The following CYSTM1 variants were observed in gnomAD, a reference collection of about 807,000 sequenced individuals.
CYSTM1 encodes the protein cysteine rich transmembrane module containing 1.
CYSTM1 carries 4 observed loss-of-function variants against 13.1 expected under a neutral mutation model. The observed-to-expected ratio is 0.31, with a 90% CI of 0.15 to 0.70. CYSTM1 has a LOEUF of 0.70. CYSTM1 is among the 30% of genes least tolerant of loss of function. The pLI is 0.72. For missense variants in CYSTM1, 96 were observed against 121.6 expected, an observed-to-expected ratio of 0.79 and a Z score of 0.99; for synonymous variants, 36 against 42.7, an observed-to-expected ratio of 0.84 and a Z score of 0.62.
intron 2 of CYSTM1, among the ~76,000 whole-genome samples, chr5:140,199,932 G>A (rs1174432581): frequency 6.6e-6 from 1 of 152,192 alleles, no homozygotes; most frequent in African/African-American, 2.4e-5. Context: ...TTTGAGAAGT[G>A]TCTGTTCATA....
At chr5:140,220,874 A>C (rs1271492961) in intron 2 of CYSTM1, among the ~76,000 whole-genome samples, 1 of 152,138 alleles carries the variant, frequency 6.6e-6, no homozygotes, top group Non-Finnish European at 1.5e-5. Context: ...AGGGGCCTGC[A>C]GGATTGATTC....
chr5:140,238,500 C>T (rs2009997), intron 2 of CYSTM1, among the ~76,000 whole-genome samples: 36,199 of 152,106 alleles, frequency 0.24, 4,630 homozygotes, highest in South Asian at 0.47. Context: ...GGACCTGGTA[C>T]TTACTCACTG....
At chr5:140,218,692 A>G (rs575699522) in intron 2 of CYSTM1, among the ~76,000 whole-genome samples, 19 of 152,164 alleles carry the variant, frequency 1.2e-4, no homozygotes, top group Non-Finnish European at 2.8e-4. Flanking sequence ...TGTGATATGG[A>G]CAGATGATGA....
intron 2 of CYSTM1, among the ~76,000 whole-genome samples, chr5:140,231,433 A>G (rs1317088481): frequency 1.3e-5 from 2 of 152,202 alleles, no homozygotes; most frequent in Non-Finnish European, 1.5e-5. Flanking sequence ...ACAATCATGG[A>G]TTCCGTAAAC....
chr5:140,236,962 A>G (rs977250487), intron 2 of CYSTM1, among the ~76,000 whole-genome samples: 1 of 152,214 alleles, frequency 6.6e-6, no homozygotes, highest in Non-Finnish European at 1.5e-5. Context: ...TTGCCCAGGA[A>G]TTGTCAGCAT....
chr5:140,187,140 CAAAT>C (rs1764024257), intron 1 of CYSTM1, among the ~76,000 whole-genome samples: 1 of 149,212 alleles, frequency 6.7e-6, no homozygotes, highest in African/African-American at 2.5e-5. Flanking sequence ...AACAAACAAA[CAAAT>C]AAACAAACAC....
At position 140,204,799 on chromosome 5, in the gene CYSTM1, A is replaced by G. The variant is rs571092016; in HGVS notation, c.187+10147A>G. On this transcript the variant is annotated intron_variant, in intron 2 of 2. Transcript: ENST00000261811. ...CGTGTGTGTGTGTATGTGTATGTGTATATGCTCAGTAAATACGTGTTAGAT... is the reference window on the plus strand; with the variant it reads ...CGTGTGTGTGTGTATGTGTATGTGTGTATGCTCAGTAAATACGTGTTAGAT... Among the ~76,000 whole-genome samples the G allele has an allele frequency of 3.0e-4, 46 of 152,130 alleles. No individual in the cohort carries two copies. In the South Asian group the frequency reaches 8.7e-3, roughly 29 times the overall value.
rs187638289 is a variant in CYSTM1, at chr5:140,220,426, G to A, written c.188-22879G>A. ...AAGAAGAGAGAAATGAGGAGAGGGCGGTAATAAGATTAACATTCCTCTCAC... is the reference window on the plus strand; with the variant it reads ...AAGAAGAGAGAAATGAGGAGAGGGCAGTAATAAGATTAACATTCCTCTCAC... On this transcript the variant is annotated intron_variant, in intron 2 of 2. Transcript: ENST00000261811. Among the ~76,000 whole-genome samples, 481 of 152,210 alleles carry A rather than the reference G, an allele frequency of 3.2e-3. 4 individuals carry two copies. Among genetic ancestry groups the A allele is most frequent in the Non-Finnish European group, 3.9e-3 (266 of 68,014 alleles).
intron 2 of CYSTM1, among the ~76,000 whole-genome samples, chr5:140,226,592 A>T (rs1358056653): frequency 9.9e-6 from 1 of 101,182 alleles, no homozygotes; most frequent in African/African-American, 4.0e-5. Flanking sequence ...AATATTATAT[A>T]TATATATATA....
intron 1 of CYSTM1, among the ~76,000 whole-genome samples, chr5:140,190,292 G>A (rs1459624238): frequency 6.6e-6 from 1 of 151,548 alleles, no homozygotes; most frequent in Non-Finnish European, 1.5e-5. Flanking sequence ...GGATATTTAG[G>A]TTGTTTTTTT....
At chr5:140,240,537 T>C (rs1389989540) in intron 2 of CYSTM1, among the ~76,000 whole-genome samples, 3 of 151,598 alleles carry the variant, frequency 2.0e-5, no homozygotes, top group Non-Finnish European at 2.9e-5. Context: ...GCCAGGATAG[T>C]GCACGAGTTC....
At chr5:140,237,389 T>C (rs770234598) in intron 2 of CYSTM1, among the ~76,000 whole-genome samples, 4 of 152,230 alleles carry the variant, frequency 2.6e-5, no homozygotes, top group Non-Finnish European at 5.9e-5. Context: ...GAGCCTGATC[T>C]TGTGCAGTGA....
intron 2 of CYSTM1, among the ~76,000 whole-genome samples, chr5:140,196,631 G>A (rs1764162458): frequency 6.6e-6 from 1 of 152,202 alleles, no homozygotes; most frequent in Non-Finnish European, 1.5e-5. Context: ...AGTATAACCA[G>A]TATAATCGGA....
intron 2 of CYSTM1, chr5:140,200,386 C>T (rs1332836145): frequency 6.6e-6 from 1 of 151,962 alleles, no homozygotes; most frequent in African/African-American, 2.4e-5. Flanking sequence ...GAATCCTTTC[C>T]CCATTGCTTG....
intron 1 of CYSTM1, among the ~76,000 whole-genome samples, chr5:140,184,877 C>T (rs970153835): frequency 1.3e-5 from 2 of 152,160 alleles, no homozygotes; most frequent in Non-Finnish European, 2.9e-5. Flanking sequence ...TGGAGGGAGA[C>T]AAGATTGACT....
chr5:140,190,674 A>G (rs1483623892), intron 1 of CYSTM1, among the ~76,000 whole-genome samples: 1 of 152,196 alleles, frequency 6.6e-6, no homozygotes, highest in Non-Finnish European at 1.5e-5. Context: ...CCACTTTCCC[A>G]AAGAATAGTT....
chr5:140,228,894 C>T lies in CYSTM1; in HGVS notation c.188-14411C>T, dbSNP rs1003031892. 3 of 398,378 alleles carry T rather than the reference C, an allele frequency of 7.5e-6. No homozygotes were observed. The East Asian group carries it at 1.1e-4, about 14-fold the overall frequency. The allele number at this position is 398,378 out of a possible 1,614,324, so 24.7% of individuals were successfully genotyped here. A position where few individuals can be genotyped will look rare whatever the true frequency, so the allele number is the denominator to read the frequency against. ...TGCTACCTCCTGTTACAGGAATAAA[C>T]AACTACTGTTGCACAATTTCCATTT... On this transcript the variant is annotated intron_variant, in intron 2 of 2. Transcript: ENST00000261811.
chr5:140,203,536 T>G (rs567850169), intron 2 of CYSTM1, among the ~76,000 whole-genome samples: 23 of 152,366 alleles, frequency 1.5e-4, no homozygotes, highest in Non-Finnish European at 2.4e-4. Context: ...ACCACAAGTT[T>G]CAGTGGTGAC....
At chr5:140,186,460 T>C (rs549076179) in intron 1 of CYSTM1, among the ~76,000 whole-genome samples, 1 of 152,382 alleles carries the variant, frequency 6.6e-6, no homozygotes, top group South Asian at 2.1e-4. Context: ...CTGCAGAGTA[T>C]GAAATTTGGA....
Sources: gnomAD v4.1 joint callset for allele counts (sites outside exome capture counted in the v4.1 genomes callset) on GRCh38, gnomAD v4.1.1 for gene constraint, MANE v1.5 for transcripts, NCBI Gene and HGNC (gene_info 2026-07-23, HGNC 2026-07-21) for gene names.